OR8G5: variants seen among roughly 807,000 people sequenced by gnomAD.
OR8G5 encodes olfactory receptor family 8 subfamily G member 5, also known as olfactory receptor 8G5.
For missense variants in OR8G5, 347 were observed against 371.9 expected, an observed-to-expected ratio of 0.93 and a Z score of 0.55; for synonymous variants, 147 against 147.7, an observed-to-expected ratio of 1.00 and a Z score of 0.03.
chr11:124,263,865 A>G (rs994309817), intron 1 of OR8G5, among the ~76,000 whole-genome samples: 2 of 152,122 alleles, frequency 1.3e-5, no homozygotes, highest in Admixed American at 6.6e-5. Flanking sequence ...ACTTTAGTGA[A>G]TGGAATAGCT....
Position 124,265,672 on chromosome 11 carries a change from T to A in OR8G5, c.741T>A (p.Ala247=). Residue 247 remains alanine, a synonymous_variant, in exon 2 of 2, where the codon GCT becomes GCA. Transcript: ENST00000641992. ...AFSTCSSHIS[A]VSVFFGSAAF... is the part of the protein sequence containing the mutation. ...GCACTTGCAGCTCCCACATCTCGGCTGTTTCTGTTTTCTTTGGGTCTGCAG... is the reference window on the plus strand; with the variant it reads ...GCACTTGCAGCTCCCACATCTCGGCAGTTTCTGTTTTCTTTGGGTCTGCAG... The A allele has an allele frequency of 6.2e-7, 1 of 1,614,000 alleles. No homozygotes were observed. The highest frequency in any genetic ancestry group is 8.5e-7 in the Non-Finnish European group (1 of 1,179,902).
chr11:124,265,489 G>A lies in OR8G5; in HGVS notation c.558G>A (p.Lys186=). Residue 186 remains lysine, a synonymous_variant, in exon 2 of 2, where the codon AAG becomes AAA. Coordinates refer to ENST00000641992, the MANE Select transcript of OR8G5 (RefSeq NM_001005198.2). The stretch of plus-strand genomic sequence containing the variant: ...TCTGTGATCTTATTTCTATCTTGAA[G>A]CTCTCCTGTTCTAGTACTTACATTA... ...HYFCDLISIL[K]LSCSSTYINE... The A allele has an allele frequency of 1.2e-6, 2 of 1,613,950 alleles. No homozygotes were observed. Among genetic ancestry groups the A allele is most frequent in the Non-Finnish European group, 8.5e-7 (1 of 1,179,870 alleles).
chr11:124,258,575 AAATAAT>A (rs774679113), intron 1 of OR8G5, among the ~76,000 whole-genome samples: 3 of 151,456 alleles, frequency 2.0e-5, no homozygotes, highest in African/African-American at 4.8e-5. Context: ...ATAAATAAAT[AAATAAT>A]AATAATAATA....
At chr11:124,263,668 GA>G (rs1861997895) in intron 1 of OR8G5, among the ~76,000 whole-genome samples, 1 of 151,880 alleles carries the variant, frequency 6.6e-6, no homozygotes, top group Non-Finnish European at 1.5e-5. Flanking sequence ...TTCTTTCTAA[GA>G]AATCATAAAC....
intron 1 of OR8G5, among the ~76,000 whole-genome samples, chr11:124,259,014 C>G (rs553421509): frequency 2.0e-4 from 30 of 152,278 alleles, no homozygotes; most frequent in African/African-American, 7.0e-4. Flanking sequence ...AAACTACACT[C>G]AAACCAGATA....
chr11:124,259,799 A>G (rs998072306), intron 1 of OR8G5, among the ~76,000 whole-genome samples: 24 of 152,202 alleles, frequency 1.6e-4, no homozygotes, highest in African/African-American at 5.8e-4. Flanking sequence ...ACTCTATCTT[A>G]TCCAGCATAT....
rs1448785656 is a variant in OR8G5 at position 124,265,265 on chromosome 11, T to C, written c.334T>C (p.Cys112Arg). 1 of 1,613,914 alleles carries C rather than the reference T, an allele frequency of 6.2e-7. No homozygotes were observed. The highest frequency in any genetic ancestry group is 8.5e-7 in the Non-Finnish European group (1 of 1,179,900). Reference protein sequence around the residue: ...YFFLVFAIAECHMLAAMAYDG... With the variant: ...YFFLVFAIAERHMLAAMAYDG... The stretch of plus-strand genomic sequence containing the variant: ...CTTCCTCGTTTTTGCTATTGCAGAG[T>C]GTCACATGTTGGCTGCAATGGCATA... Residue 112 changes from cysteine (C) to arginine (R), a missense_variant, in exon 2 of 2, where the codon TGT becomes CGT. Cys to Arg is a radical substitution (Grantham distance 180). Coordinates refer to ENST00000641992, the MANE Select transcript of OR8G5 (RefSeq NM_001005198.2).
intron 1 of OR8G5, among the ~76,000 whole-genome samples, chr11:124,261,045 G>T (rs1000135627): frequency 7.2e-5 from 11 of 151,726 alleles, no homozygotes; most frequent in Middle Eastern, 3.4e-3. Flanking sequence ...AGCTTTTTTA[G>T]CTTCCACGTA....
At chr11:124,262,631 T>G (rs1861982925) in intron 1 of OR8G5, among the ~76,000 whole-genome samples, 1 of 151,624 alleles carries the variant, frequency 6.6e-6, no homozygotes, top group South Asian at 2.1e-4. Flanking sequence ...TATATTTACT[T>G]TTTAAATTCT....
At position 124,265,544 on chromosome 11, in the gene OR8G5, A is replaced by G. The variant is rs745625949; in HGVS notation, c.613A>G (p.Ile205Val). Reference sequence around the variant, plus strand: ...GTTACTGATTTTAATCTTTAGTGGAATTAACATCCTTGTCCCCAGCCTGAC... The same window carrying G: ...GTTACTGATTTTAATCTTTAGTGGAGTTAACATCCTTGTCCCCAGCCTGAC... ...NELLILIFSGINILVPSLTIL... is the reference protein window; with the variant it reads ...NELLILIFSGVNILVPSLTIL... The change falls in exon 2 of 2, where the codon ATT (isoleucine) becomes GTT (valine). Residue 205 changes from isoleucine to valine, a missense_variant. By Grantham distance (29) the Ile-to-Val change is conservative (BLOSUM62 3). Coordinates refer to ENST00000641992, the MANE Select transcript of OR8G5 (RefSeq NM_001005198.2). 6 of 1,613,974 alleles carry G rather than the reference A, an allele frequency of 3.7e-6. No homozygotes were observed. The highest frequency in any genetic ancestry group is 1.3e-5 in the African/African-American group (1 of 75,028).
Position 124,266,165 on chromosome 11 carries a change from T to G in OR8G5, c.*298T>G, listed in dbSNP as rs1470294653. The G allele has an allele frequency of 1.3e-4, 38 of 299,058 alleles. No homozygotes were observed. Among genetic ancestry groups the G allele is most frequent in the Non-Finnish European group, 1.2e-5 (2 of 160,400 alleles). 18.5% of individuals were successfully genotyped at this position (299,058 alleles called of 1,614,324 possible). A position where few individuals can be genotyped will look rare whatever the true frequency, so the allele number is the denominator to read the frequency against. On this transcript the variant is annotated 3_prime_UTR_variant, in exon 2 of 2. Transcript: ENST00000641992. ...CCCTTCCCCCTTTTCTTTCATGTAA[T>G]TGATTAAAACATACTCCTCAACATA...
chr11:124,265,792 C>T lies in OR8G5; in HGVS notation c.861C>T (p.Pro287=), dbSNP rs202064362. 2 of 1,614,142 alleles carry T rather than the reference C, an allele frequency of 1.2e-6. No individual in the cohort carries two copies. Among genetic ancestry groups the T allele is most frequent in the Non-Finnish European group, 1.7e-6 (2 of 1,180,014 alleles). The change falls in exon 2 of 2, where the codon CCC becomes CCT. Residue 287 remains proline (P), a synonymous_variant. Transcript: ENST00000641992. ...FYTIVVPMLN[P]LIYSLRNKDV... is the part of the protein sequence containing the mutation. ...CTATTGTTGTGCCCATGCTGAACCCCCTGATCTACAGCCTGAGGAATAAAG... is the reference window on the plus strand; with the variant it reads ...CTATTGTTGTGCCCATGCTGAACCCTCTGATCTACAGCCTGAGGAATAAAG...
chr11:124,265,875 T>A lies in OR8G5; in HGVS notation c.*8T>A. The A allele has an allele frequency of 6.3e-7, 1 of 1,592,092 alleles. No individual in the cohort carries two copies. Among genetic ancestry groups the A allele is most frequent in the Admixed American group, 1.8e-5 (1 of 56,378 alleles). On this transcript the variant is annotated 3_prime_UTR_variant, in exon 2 of 2. Transcript: ENST00000641992. ...AAAAGAACATTCTTATGAACAGAAG[T>A]ACAATGAAAAAGATTGCATTAGATC... is the stretch of plus-strand genomic sequence containing the variant.
chr11:124,264,919 A>T lies in OR8G5; in HGVS notation c.-13A>T. 5 of 1,613,474 alleles carry T rather than the reference A, an allele frequency of 3.1e-6. No homozygotes were observed. Among genetic ancestry groups the T allele is most frequent in the Non-Finnish European group, 4.2e-6 (5 of 1,179,534 alleles). ...CCATGTTTTTTCTCTCCCCTGCAGAAACTCATCAAAGAATGGCAGCAGAAA... is the reference window on the plus strand; with the variant it reads ...CCATGTTTTTTCTCTCCCCTGCAGATACTCATCAAAGAATGGCAGCAGAAA... On this transcript the variant is annotated splice_region_variant and 5_prime_UTR_variant, in exon 2 of 2. Transcript: ENST00000641992.
At chr11:124,263,781 A>G (rs913791200) in intron 1 of OR8G5, among the ~76,000 whole-genome samples, 15 of 152,056 alleles carry the variant, frequency 9.9e-5, no homozygotes, top group Non-Finnish European at 2.1e-4. Flanking sequence ...TGGTGTAGAA[A>G]TGTGTTAAGA....
intron 1 of OR8G5, among the ~76,000 whole-genome samples, chr11:124,262,714 T>C (rs1177450352): frequency 6.6e-6 from 1 of 150,456 alleles, no homozygotes; most frequent in Non-Finnish European, 1.5e-5. Context: ...AACTCATGCA[T>C]CTACTCATCT....
rs1358560093 is a variant in OR8G5, at chr11:124,266,008, A to T, written c.*141A>T. On this transcript the variant is annotated 3_prime_UTR_variant, in exon 2 of 2. Coordinates refer to ENST00000641992, the MANE Select transcript of OR8G5 (RefSeq NM_001005198.2). ...TTTACTGACGTTATGTCTTATGCAC[A>T]TGGTCTATTTCATGCCATTTCCCTC... 1 of 1,049,388 alleles carries T rather than the reference A, an allele frequency of 9.5e-7. No homozygotes were observed. Among genetic ancestry groups the T allele is most frequent in the Non-Finnish European group, 1.3e-6 (1 of 748,126 alleles). 65.0% of individuals were successfully genotyped at this position (1,049,388 alleles called of 1,614,324 possible). A position where few individuals can be genotyped will look rare whatever the true frequency, so the allele number is the denominator to read the frequency against.
intron 1 of OR8G5, among the ~76,000 whole-genome samples, chr11:124,263,653 C>T (rs576516958): frequency 6.6e-6 from 1 of 152,014 alleles, no homozygotes; most frequent in Non-Finnish European, 1.5e-5. Flanking sequence ...CCAGCTTAAT[C>T]CATGTTCTTT....
In OR8G5 at chr11:124,265,676, T is replaced by C; in HGVS notation, c.745T>C (p.Ser249Pro). 1 of 1,601,098 alleles carries C rather than the reference T, an allele frequency of 6.2e-7. No homozygotes were observed. Among genetic ancestry groups the C allele is most frequent in the East Asian group, 2.2e-5 (1 of 44,776 alleles). The stretch of plus-strand genomic sequence containing the variant: ...TTGCAGCTCCCACATCTCGGCTGTT[T>C]CTGTTTTCTTTGGGTCTGCAGCATT... Reference protein sequence around the residue: ...STCSSHISAVSVFFGSAAFMY... With the variant: ...STCSSHISAVPVFFGSAAFMY... The change falls in exon 2 of 2, where the codon TCT becomes CCT. Residue 249 changes from serine to proline, a missense_variant. Ser to Pro is a moderately conservative substitution (Grantham distance 74). Transcript: ENST00000641992.
Sources: allele counts gnomAD v4.1 joint callset (sites outside exome capture counted in the v4.1 genomes callset), GRCh38; gene constraint gnomAD v4.1.1; transcripts MANE v1.5; gene names NCBI Gene and HGNC (gene_info 2026-07-23, HGNC 2026-07-21).